Variants in PACC1 observed in about 807,000 individuals in gnomAD.
The protein encoded by PACC1 is proton activated chloride channel 1.
In PACC1, 34 loss-of-function variants were observed where a neutral mutation model predicts 39.7. That is an observed-to-expected ratio of 0.86 (90% CI 0.65 to 1.14). The LOEUF (loss-of-function observed/expected upper bound fraction) is 1.14, where lower values mean the gene tolerates loss of function less well. PACC1 is among the 50% of genes most tolerant of loss of function. The pLI is 0.00. For synonymous variants in PACC1, 127 were observed against 160.6 expected, an observed-to-expected ratio of 0.79 and a Z score of 1.58; for missense variants, 379 against 436.4, an observed-to-expected ratio of 0.87 and a Z score of 1.17.
At chr1:212,402,681 G>A (rs1661759455) in intron 2 of PACC1, among the ~76,000 whole-genome samples, 1 of 152,174 alleles carries the variant, frequency 6.6e-6, no homozygotes, top group Non-Finnish European at 1.5e-5. Flanking sequence ...CGGGAATGGA[G>A]TCTCACTCTG....
chr1:212,377,623 T>C lies in PACC1; in HGVS notation c.722A>G (p.Lys241Arg). 7 of 1,614,192 alleles carry C rather than the reference T, an allele frequency of 4.3e-6. No individual in the cohort carries two copies. Among genetic ancestry groups the C allele is most frequent in the Non-Finnish European group, 5.1e-6 (6 of 1,180,028 alleles). Residue 241 changes from lysine (K) to arginine (R), a missense_variant, in exon 6 of 8, where the codon AAG becomes AGG. Physicochemically the swap from Lys to Arg is conservative, Grantham distance 26. Coordinates refer to ENST00000261455, the MANE Select transcript of PACC1 (RefSeq NM_018252.3). ...KFSGGFRTWV[K>R]MSLVKTKEED... Reference sequence around the variant, plus strand: ...CTCCTTGGTCTTTACCAGTGACATCTTGACCCAGGTGCGGAAGCCCCCAGA... The same window carrying C: ...CTCCTTGGTCTTTACCAGTGACATCCTGACCCAGGTGCGGAAGCCCCCAGA...
rs74138138 is a variant in PACC1 at position 212,405,347 on chromosome 1, T to G, written c.133+5078A>C. Among the ~76,000 whole-genome samples the G allele has an allele frequency of 7.8e-3, 1,190 of 152,232 alleles. 16 individuals carry two copies. The highest frequency in any genetic ancestry group is 0.027 in the African/African-American group (1,120 of 41,534). On this transcript the variant is annotated intron_variant, in intron 2 of 7. Coordinates refer to ENST00000261455, the MANE Select transcript of PACC1 (RefSeq NM_018252.3). The stretch of plus-strand genomic sequence containing the variant: ...CAAAATCTGTGTGCCTCACAGAACT[T>G]GTAGGGCAGTGCCAAGGGATGGATA...
chr1:212,381,770 GAC>G (rs10529310), intron 4 of PACC1, among the ~76,000 whole-genome samples: 87 of 118,082 alleles, frequency 7.4e-4, no homozygotes, highest in Admixed American at 3.3e-3. Context: ...ACAGCACAGT[GAC>G]ACACACACAC....
intron 1 of PACC1, 61 bp downstream of exon 1, chr1:212,414,661 A>T (rs1458541991): frequency 1.6e-6 from 2 of 1,272,822 alleles, no homozygotes; most frequent in Non-Finnish European, 2.2e-6. Flanking sequence ...GCATCCGCCC[A>T]GGCCCCCGGG....
At chr1:212,409,290 A>C (rs1226542709) in intron 2 of PACC1, among the ~76,000 whole-genome samples, 2 of 152,098 alleles carry the variant, frequency 1.3e-5, no homozygotes, top group African/African-American at 4.8e-5. Context: ...CGCGTGGACT[A>C]TGAGACGGTG....
At chr1:212,375,067 A>C (rs776096372) in intron 7 of PACC1, 126 bp downstream of exon 7, 6 of 645,000 alleles carry the variant, frequency 9.3e-6, no homozygotes, top group Non-Finnish European at 1.3e-5. Context: ...AGGTAGACTT[A>C]TCAGTCTACA....
chr1:212,393,657 T>C (rs906741344), intron 2 of PACC1, among the ~76,000 whole-genome samples: 1 of 152,002 alleles, frequency 6.6e-6, no homozygotes, highest in African/African-American at 2.4e-5. Flanking sequence ...AGCTGGTTTT[T>C]TGAAAAGATC....
chr1:212,366,490 C>T (rs1167358784), intron 7 of PACC1, among the ~76,000 whole-genome samples: 6 of 151,738 alleles, frequency 4.0e-5, no homozygotes, highest in African/African-American at 9.7e-5. Flanking sequence ...TTAGTAGAGA[C>T]GGGGTTTCAC....
chr1:212,380,623 T>A (rs1262753509), intron 4 of PACC1, among the ~76,000 whole-genome samples: 1 of 152,048 alleles, frequency 6.6e-6, no homozygotes, highest in Non-Finnish European at 1.5e-5. Flanking sequence ...TAGAGACAGG[T>A]TTTGAAGCCT....
chr1:212,365,794 T>G (rs540403251), intron 7 of PACC1, among the ~76,000 whole-genome samples: 1 of 152,288 alleles, frequency 6.6e-6, no homozygotes, highest in South Asian at 2.1e-4. Flanking sequence ...GAAAGCTGTT[T>G]TTCAAAAAAG....
chr1:212,372,493 A>T (rs921154188), intron 7 of PACC1, among the ~76,000 whole-genome samples: 5 of 152,172 alleles, frequency 3.3e-5, no homozygotes, highest in African/African-American at 9.6e-5. Flanking sequence ...TGGAAGTCCT[A>T]GCCAGAGCAA....
chr1:212,401,764 C>G lies in PACC1; in HGVS notation c.133+8661G>C, dbSNP rs1486324091. ...TCTTGGCTCACTGCAACCTCCACCT[C>G]CCGGGTTCAAGTGATTCTCCTGCCT... On this transcript the variant is annotated intron_variant, in intron 2 of 7. Transcript: ENST00000261455. Among the ~76,000 whole-genome samples, 4 of 150,730 alleles carry G rather than the reference C, an allele frequency of 2.7e-5. No individual in the cohort carries two copies. In the East Asian group the frequency reaches 7.9e-4, roughly 30 times the overall value.
intron 4 of PACC1, among the ~76,000 whole-genome samples, chr1:212,381,843 G>A (rs922277742): frequency 6.6e-6 from 1 of 151,434 alleles, no homozygotes. Context: ...ACAGTGACAA[G>A]ACAAAAGTCA....
Position 212,413,987 on chromosome 1 carries a change from G to A in PACC1, c.36+735C>T, listed in dbSNP as rs1424726925. ...CAAAGATGACCAAGGTTTGGGGGCC[G>A]AGAAGTGGAGGCGGAGGAGGAGAGC... On this transcript the variant is annotated intron_variant, in intron 1 of 7. Coordinates refer to ENST00000261455, the MANE Select transcript of PACC1 (RefSeq NM_018252.3). The A allele has an allele frequency of 2.0e-6, 3 of 1,535,876 alleles. No individual in the cohort carries two copies. In the South Asian group the frequency reaches 3.6e-5, roughly 18 times the overall value.
chr1:212,397,898 G>T (rs1302094216), intron 2 of PACC1, among the ~76,000 whole-genome samples: 1 of 152,208 alleles, frequency 6.6e-6, no homozygotes, highest in Admixed American at 6.5e-5. Context: ...TTACGAGCAT[G>T]AGCTTTAGAG....
intron 2 of PACC1, among the ~76,000 whole-genome samples, chr1:212,399,122 T>C (rs1009302307): frequency 1.3e-5 from 2 of 152,260 alleles, no homozygotes; most frequent in African/African-American, 4.8e-5. Context: ...GCAGTGGCAA[T>C]GAGTACCAGC....
intron 1 of PACC1, among the ~76,000 whole-genome samples, chr1:212,413,522 T>TC (rs1413155765): frequency 2.6e-5 from 4 of 152,178 alleles, no homozygotes. Context: ...GCCCTTGACT[T>TC]CTGGGGGCAT....
chr1:212,402,633 T>C (rs1449199045), intron 2 of PACC1, among the ~76,000 whole-genome samples: 1 of 152,216 alleles, frequency 6.6e-6, no homozygotes, highest in East Asian at 1.9e-4. Flanking sequence ...TTCTTGATAG[T>C]GTCCTTTGAT....
chr1:212,387,216 C>T lies in PACC1; in HGVS notation c.134-116G>A. The T allele has an allele frequency of 3.4e-6, 3 of 894,998 alleles. No individual in the cohort carries two copies. The South Asian group carries it at 4.8e-5, about 14-fold the overall frequency. The allele number at this position is 894,998 out of a possible 1,614,324, so 55.4% of individuals were successfully genotyped here. A position where few individuals can be genotyped will look rare whatever the true frequency, so the allele number is the denominator to read the frequency against. ...CCAAGGAGGTGAAGTCACCTGCACG[C>T]CCAACCTTTCCACCTCACCCCACAA... On this transcript the variant is annotated intron_variant, in intron 2 of 7. Transcript: ENST00000261455.
Sources: allele counts gnomAD v4.1 joint callset (sites outside exome capture counted in the v4.1 genomes callset), GRCh38; gene constraint gnomAD v4.1.1; transcripts MANE v1.5; gene names NCBI Gene and HGNC (gene_info 2026-07-23, HGNC 2026-07-21).